CSMD1: variants seen among roughly 807,000 people sequenced by gnomAD.
The protein encoded by CSMD1 is CUB and sushi domain-containing protein 1.
In CSMD1, 213 loss-of-function variants were observed where a neutral mutation model predicts 417.5. The observed-to-expected ratio is 0.51, with a 90% confidence interval of 0.46 to 0.57. The LOEUF is 0.57. Among genes scored for constraint, CSMD1 ranks in the 20% least tolerant of loss-of-function variants. The pLI, the probability that CSMD1 is intolerant of heterozygous loss-of-function variation, is 0.00. For missense variants in CSMD1, 6,923 were observed against 4,529.7 expected (o/e 1.53, Z -15.17); for synonymous variants, 2,862 against 1,736.8 (o/e 1.65, Z -16.11).
At chr8:3,968,174 G>A (rs554831496) in intron 5 of CSMD1, among the ~76,000 whole-genome samples, 15 of 142,586 alleles carry the variant, frequency 1.1e-4, no homozygotes, top group Admixed American at 1.4e-4. Context: ...GTGACAGAGC[G>A]AGACTCCGTC....
chr8:3,694,698 G>A (rs1232438681), intron 7 of CSMD1, among the ~76,000 whole-genome samples: 2 of 151,778 alleles, frequency 1.3e-5, no homozygotes, highest in Non-Finnish European at 2.9e-5. Flanking sequence ...GGCTTTAGAG[G>A]GAATGAAAGG....
chr8:4,891,792 C>T (rs1304044770), intron 1 of CSMD1, among the ~76,000 whole-genome samples: 4 of 152,064 alleles, frequency 2.6e-5, no homozygotes, highest in African/African-American at 9.7e-5. Flanking sequence ...ATTTAGCAAC[C>T]CATGTAGTCT....
At chr8:4,245,369 C>G (rs1451208114) in intron 3 of CSMD1, among the ~76,000 whole-genome samples, 2 of 152,040 alleles carry the variant, frequency 1.3e-5, no homozygotes, top group African/African-American at 4.8e-5. Context: ...TTGCAAGTAC[C>G]CAGCCTGCCT....
intron 7 of CSMD1, among the ~76,000 whole-genome samples, chr8:3,652,173 C>T (rs1156891591): frequency 6.9e-6 from 1 of 145,738 alleles, no homozygotes; most frequent in Admixed American, 6.8e-5. Context: ...GCGCTTACCA[C>T]CATCAGAACA....
intron 26 of CSMD1, among the ~76,000 whole-genome samples, chr8:3,252,423 T>C (rs951936528): frequency 6.6e-6 from 1 of 152,228 alleles, no homozygotes; most frequent in African/African-American, 2.4e-5. Context: ...CACTTGATCA[T>C]GGTGGATAAG....
At chr8:4,352,975 C>T (rs899938179) in intron 3 of CSMD1, among the ~76,000 whole-genome samples, 2 of 152,134 alleles carry the variant, frequency 1.3e-5, no homozygotes, top group African/African-American at 4.8e-5. Flanking sequence ...TTCTACCAAG[C>T]CTTTGAATGC....
In CSMD1 at chr8:3,315,387, G is replaced by A. The variant is rs192230171; in HGVS notation, c.3632-6884C>T. On this transcript the variant is annotated intron_variant, in intron 23 of 69. Coordinates refer to ENST00000635120, the MANE Select transcript of CSMD1 (RefSeq NM_033225.6). ...TTCCTGAAATGTGTGATTGTTCCAT[G>A]TTTTACAATACATCTCTCTTTATTC... Among the ~76,000 whole-genome samples the A allele has an allele frequency of 1.2e-3, 183 of 151,658 alleles. 1 individual carries two copies. Among genetic ancestry groups the A allele is most frequent in the African/African-American group, 4.2e-3 (174 of 41,342 alleles).
chr8:3,018,471 A>G lies in CSMD1; in HGVS notation c.8029+6T>C. 6.2e-7 allele frequency: 1 copy of G among 1,612,860 alleles called. No homozygotes were observed. The highest frequency in any genetic ancestry group is 1.7e-4 in the Middle Eastern group (1 of 6,052). On this transcript the variant is annotated splice_donor_region_variant and intron_variant, in intron 52 of 69. Transcript: ENST00000635120. ...TAAGTAAGTGCCAGAACACAGATGAATTTACCCAGACATCGAGTTTCGCTG... is the reference window on the plus strand; with the variant it reads ...TAAGTAAGTGCCAGAACACAGATGAGTTTACCCAGACATCGAGTTTCGCTG...
chr8:4,234,485 C>T (rs1027821400), intron 3 of CSMD1, among the ~76,000 whole-genome samples: 2 of 152,058 alleles, frequency 1.3e-5, no homozygotes, highest in African/African-American at 4.8e-5. Context: ...CCTGCTTATC[C>T]TTGAGGTCTG....
intron 23 of CSMD1, among the ~76,000 whole-genome samples, chr8:3,321,618 G>A (rs1226426860): frequency 2.6e-5 from 4 of 152,154 alleles, no homozygotes; most frequent in Non-Finnish European, 5.9e-5. Context: ...TCTGAGTCTG[G>A]CAGTGAAAGT....
chr8:4,810,211 G>C (rs1169332556), intron 1 of CSMD1, among the ~76,000 whole-genome samples: 3 of 152,108 alleles, frequency 2.0e-5, no homozygotes, highest in Non-Finnish European at 2.9e-5. Flanking sequence ...TCCATTCCCT[G>C]TCATGTATTA....
chr8:3,868,047 T>G (rs1585114671), intron 5 of CSMD1, among the ~76,000 whole-genome samples: 1 of 152,268 alleles, frequency 6.6e-6, no homozygotes, highest in East Asian at 1.9e-4. Flanking sequence ...TGCACCCTGA[T>G]CTGTCCCTAT....
intron 2 of CSMD1, among the ~76,000 whole-genome samples, chr8:4,606,960 G>C (rs929907702): frequency 2.0e-5 from 3 of 152,032 alleles, no homozygotes; most frequent in Non-Finnish European, 4.4e-5. Flanking sequence ...TTTTCTTTTG[G>C]AAATTGCTAA....
At chr8:3,187,761 G>T (rs1455393814) in intron 36 of CSMD1, 108 bp downstream of exon 36, 9 of 779,372 alleles carry the variant, frequency 1.2e-5, no homozygotes, top group Non-Finnish European at 1.7e-5. Flanking sequence ...GGAGATAGAA[G>T]AATTGTGTAG....
chr8:4,422,259 G>C (rs955040381), intron 2 of CSMD1, among the ~76,000 whole-genome samples: 1 of 152,080 alleles, frequency 6.6e-6, no homozygotes, highest in African/African-American at 2.4e-5. Context: ...GAAAGTGTAA[G>C]TGGATAGAAT....
intron 5 of CSMD1, among the ~76,000 whole-genome samples, chr8:3,788,770 G>C (rs1424637072): frequency 1.3e-5 from 2 of 152,166 alleles, no homozygotes; most frequent in Non-Finnish European, 2.9e-5. Flanking sequence ...TTCTGAATGT[G>C]TGCATAAGAG....
intron 5 of CSMD1, among the ~76,000 whole-genome samples, chr8:3,920,679 T>C (rs910870493): frequency 2.0e-5 from 3 of 152,158 alleles, no homozygotes; most frequent in African/African-American, 7.2e-5. Context: ...AGAGCTTTTA[T>C]CAGGAAAATA....
chr8:3,241,258 C>A (rs555843419), intron 26 of CSMD1, among the ~76,000 whole-genome samples: 2 of 150,084 alleles, frequency 1.3e-5, no homozygotes, highest in East Asian at 1.9e-4. Context: ...AAGCTGGCAC[C>A]AGAGTTGGGG....
intron 5 of CSMD1, among the ~76,000 whole-genome samples, chr8:3,912,312 T>C (rs117778010): frequency 0.013 from 2,036 of 152,314 alleles, 29 homozygotes; most frequent in Non-Finnish European, 0.019. Context: ...TTTAGTGATA[T>C]TTGATACGTA....
Sources: gnomAD v4.1 joint callset for allele counts (sites outside exome capture counted in the v4.1 genomes callset) on GRCh38, gnomAD v4.1.1 for gene constraint, MANE v1.5 for transcripts, NCBI Gene and HGNC (gene_info 2026-07-23, HGNC 2026-07-21) for gene names.